Variants in PLB1 observed in about 807,000 individuals in gnomAD.
PLB1 encodes the protein phospholipase B1, membrane-associated.
PLB1 carries 242 observed loss-of-function variants against 227.4 expected under a neutral mutation model. The ratio of observed to expected loss-of-function variants is 1.06; its 90% CI spans 0.96 to 1.18. The LOEUF is 1.18. PLB1 is among the 50% of genes most tolerant of loss of function. PLB1 has a pLI of 0.00. For missense variants in PLB1, 1,858 were observed against 1,816.3 expected (o/e 1.02, Z -0.42); for synonymous variants, 757 against 682.2 (o/e 1.11, Z -1.71).
In PLB1 at chr2:28,550,005, T is replaced by G. The variant is rs1673963377; in HGVS notation, c.1009-5T>G. The G allele has an allele frequency of 2.5e-6, 4 of 1,611,370 alleles. No homozygotes were observed. Among genetic ancestry groups the G allele is most frequent in the Non-Finnish European group, 2.5e-6 (3 of 1,177,838 alleles). On this transcript the variant is annotated splice_polypyrimidine_tract_variant and splice_region_variant and intron_variant, in intron 15 of 57. Transcript: ENST00000327757. ...ACGATTCCAACATGTCACCTTTCCC[T>G]GCAGGAGAGCCCCTATCTGTTCAGC...
chr2:28,496,291 C>T (rs942723059), intron 1 of PLB1, 122 bp downstream of exon 1: 2 of 1,004,984 alleles, frequency 2.0e-6, no homozygotes, highest in Non-Finnish European at 2.9e-6. Flanking sequence ...ACAAAGCGTA[C>T]AGTTCAAGAA....
chr2:28,633,454 G>C (rs1688928181), intron 56 of PLB1: 1 of 182,898 alleles, frequency 5.5e-6, no homozygotes, highest in South Asian at 1.2e-4. Context: ...TTGAGATCAT[G>C]TGTACATGGC....
chr2:28,542,742 C>T (rs764977076), intron 13 of PLB1, among the ~76,000 whole-genome samples: 1 of 152,188 alleles, frequency 6.6e-6, no homozygotes, highest in Admixed American at 6.5e-5. Flanking sequence ...ACTTGCTGAC[C>T]GAGGTCTCCG....
chr2:28,549,982 G>A lies in PLB1; in HGVS notation c.1009-28G>A, dbSNP rs148043573. On this transcript the variant is annotated intron_variant, in intron 15 of 57. Transcript: ENST00000327757. ...AAGGGATACAGACTTCTAGGGTCAC[G>A]ATTCCAACATGTCACCTTTCCCTGC... The A allele has an allele frequency of 4.1e-5, 66 of 1,591,582 alleles. No homozygotes were observed. The African/African-American group carries it at 6.9e-4, about 17-fold the overall frequency.
intron 21 of PLB1, among the ~76,000 whole-genome samples, chr2:28,576,235 G>T (rs1441527692): frequency 1.3e-5 from 2 of 152,168 alleles, no homozygotes; most frequent in Non-Finnish European, 2.9e-5. Context: ...AGGCCACATG[G>T]CCTGAACAAA....
Position 28,550,130 on chromosome 2 carries a change from G to C in PLB1, c.1083+46G>C, listed in dbSNP as rs776967877. 3.2e-5 allele frequency: 46 copies of C among 1,447,650 alleles called. 1 individual carries two copies. The South Asian group carries it at 5.2e-4, about 16-fold the overall frequency. 89.7% of individuals were successfully genotyped at this position (1,447,650 alleles called of 1,614,324 possible). A position where few individuals can be genotyped will look rare whatever the true frequency, so the allele number is the denominator to read the frequency against. On this transcript the variant is annotated intron_variant, in intron 16 of 57. Transcript: ENST00000327757. ...ATTGACAAACATGCAGATGAACCAG[G>C]GGCTGTACTTCTTGCTGAATCTTTC...
rs145247397 is a variant in PLB1 at position 28,627,453 on chromosome 2, G to C, written c.3660+945G>C. Among the ~76,000 whole-genome samples, 37 of 152,290 alleles carry C rather than the reference G, an allele frequency of 2.4e-4. No individual in the cohort carries two copies. In the East Asian group the frequency reaches 4.8e-3, roughly 20 times the overall value. On this transcript the variant is annotated intron_variant, in intron 51 of 57. Coordinates refer to ENST00000327757, the MANE Select transcript of PLB1 (RefSeq NM_153021.5). ...TGGGAACAGTCAGGTTTATACTTCCGAGAGCGTAGTTTAGTTGAAAGGGCT... is the reference window on the plus strand; with the variant it reads ...TGGGAACAGTCAGGTTTATACTTCCCAGAGCGTAGTTTAGTTGAAAGGGCT...
intron 1 of PLB1, among the ~76,000 whole-genome samples, chr2:28,515,521 C>T (rs1418028604): frequency 6.6e-6 from 1 of 152,190 alleles, no homozygotes; most frequent in African/African-American, 2.4e-5. Context: ...AGGCGGATTC[C>T]AGTCATCATT....
Position 28,589,991 on chromosome 2 carries a change from GCTT to G in PLB1, c.2017-10_2017-8del. On this transcript the variant is annotated splice_polypyrimidine_tract_variant and intron_variant, in intron 28 of 57. Transcript: ENST00000327757. ...CCTCTTCCTCACTCCCCATCTCCCT[GCTT>G]CTTTGTTTAGCTGGAGCCTGTTGGC... 1 of 1,611,516 alleles carries G rather than the reference GCTT, an allele frequency of 6.2e-7. No homozygotes were observed. The highest frequency in any genetic ancestry group is 1.3e-5 in the African/African-American group (1 of 74,928).
At chr2:28,510,348 C>G (rs776844822) in intron 1 of PLB1, among the ~76,000 whole-genome samples, 29 of 152,124 alleles carry the variant, frequency 1.9e-4, no homozygotes, top group Admixed American at 1.2e-3. Context: ...TTCACGATCA[C>G]CACTCTCTGC....
chr2:28,498,613 A>C (rs1666748379), intron 1 of PLB1, among the ~76,000 whole-genome samples: 1 of 152,108 alleles, frequency 6.6e-6, no homozygotes, highest in Non-Finnish European at 1.5e-5. Context: ...TTTATTGAAA[A>C]ATCGGTTGTT....
chr2:28,613,982 A>G, intron 43 of PLB1, 49 bp from the exon 44 acceptor site: 1 of 1,494,436 alleles, frequency 6.7e-7, no homozygotes, highest in Non-Finnish European at 9.3e-7. Context: ...TTCTCAAGCA[A>G]ACTTCAGTGC....
At chr2:28,597,953 T>G in intron 33 of PLB1, 52 bp from the exon 34 acceptor site, 1 of 1,551,726 alleles carries the variant, frequency 6.4e-7, no homozygotes, top group Non-Finnish European at 8.9e-7. Flanking sequence ...CCTAGATTGA[T>G]TCAACCAATA....
chr2:28,585,678 A>G, intron 25 of PLB1, 83 bp from the exon 26 acceptor site: 1 of 1,124,460 alleles, frequency 8.9e-7, no homozygotes, highest in Non-Finnish European at 1.4e-6. Flanking sequence ...AAATGTATTG[A>G]GTCTCAAGCC....
At chr2:28,546,541 G>A (rs977637082) in intron 14 of PLB1, among the ~76,000 whole-genome samples, 1 of 152,178 alleles carries the variant, frequency 6.6e-6, no homozygotes, top group Non-Finnish European at 1.5e-5. Flanking sequence ...GTTGTCCCTG[G>A]AGTAAATAGC....
chr2:28,631,622 G>A lies in PLB1; in HGVS notation c.3898-414G>A, dbSNP rs139115624. Among the ~76,000 whole-genome samples, 507 of 152,314 alleles carry A rather than the reference G, an allele frequency of 3.3e-3. 3 individuals are homozygous for A. The highest frequency in any genetic ancestry group is 0.011 in the African/African-American group (473 of 41,578). Reference sequence around the variant, plus strand: ...CATGGGCATTTTGGGAGCTGGTGTTGAGATGCTCCCCATCTGACCTGCAGC... The same window carrying A: ...CATGGGCATTTTGGGAGCTGGTGTTAAGATGCTCCCCATCTGACCTGCAGC... On this transcript the variant is annotated intron_variant, in intron 54 of 57. Coordinates refer to ENST00000327757, the MANE Select transcript of PLB1 (RefSeq NM_153021.5).
At chr2:28,628,714 C>T (rs754288386) in intron 52 of PLB1, 86 bp downstream of exon 52, 50 of 1,320,078 alleles carry the variant, frequency 3.8e-5, no homozygotes, top group African/African-American at 4.3e-5. Flanking sequence ...GAGATGCTCA[C>T]GGAGCAGAGA....
chr2:28,564,799 T>C (rs889194950), intron 18 of PLB1, among the ~76,000 whole-genome samples: 6 of 152,152 alleles, frequency 3.9e-5, no homozygotes, highest in African/African-American at 1.4e-4. Flanking sequence ...ACCTGGAGAG[T>C]GTCCACATTG....
intron 1 of PLB1, among the ~76,000 whole-genome samples, chr2:28,505,079 C>G (rs1667504799): frequency 6.6e-6 from 1 of 152,178 alleles, no homozygotes; most frequent in South Asian, 2.1e-4. Flanking sequence ...CCTAGAAAAA[C>G]CAGGCTCTAT....
Sources: allele counts gnomAD v4.1 joint callset (sites outside exome capture counted in the v4.1 genomes callset), GRCh38; gene constraint gnomAD v4.1.1; transcripts MANE v1.5; gene names NCBI Gene and HGNC (gene_info 2026-07-23, HGNC 2026-07-21).